Variants in USP48 observed in about 807,000 individuals in gnomAD.
USP48 encodes ubiquitin carboxyl-terminal hydrolase 48.
A neutral mutation model predicts 150.7 loss-of-function variants in USP48; 43 were observed. That is an observed-to-expected ratio of 0.29 (90% CI 0.22 to 0.37). The LOEUF is 0.37. Ranked by LOEUF, USP48 falls within the 10% of genes least tolerant of loss-of-function variation. The pLI is 1.00. For synonymous variants in USP48, 396 were observed against 425.9 expected (o/e 0.93, Z 0.86); for missense variants, 813 against 1,249.6 (o/e 0.65, Z 5.27).
At chr1:21,692,309 AG>A (rs1315656346) in intron 23 of USP48, among the ~76,000 whole-genome samples, 1 of 152,108 alleles carries the variant, frequency 6.6e-6, no homozygotes, top group Non-Finnish European at 1.5e-5. Context: ...AAGCCAGCTC[AG>A]CATGCAAACA....
intron 11 of USP48, chr1:21,726,364 TG>T (rs1156858669): frequency 6.6e-6 from 1 of 152,210 alleles, no homozygotes; most frequent in African/African-American, 2.4e-5. Flanking sequence ...TTTTGGTTTT[TG>T]AATTGTTCAA....
At chr1:21,762,092 C>T (rs1469190021) in intron 1 of USP48, among the ~76,000 whole-genome samples, 1 of 152,138 alleles carries the variant, frequency 6.6e-6, no homozygotes, top group Non-Finnish European at 1.5e-5. Context: ...CATGGCAAAA[C>T]CCCGTCTCTA....
At chr1:21,724,208 A>C in intron 11 of USP48, 113 bp from the exon 12 acceptor site, 2 of 1,068,032 alleles carry the variant, frequency 1.9e-6, no homozygotes, top group South Asian at 2.7e-5. Flanking sequence ...TAGCAGAATC[A>C]GAAGAATCAT....
chr1:21,764,439 C>CAA (rs112638976), intron 1 of USP48, among the ~76,000 whole-genome samples: 19 of 108,546 alleles, frequency 1.8e-4, no homozygotes, highest in African/African-American at 3.6e-4. Context: ...ACCCTGTCTC[C>CAA]AAAAAAAAAA....
At chr1:21,746,507 A>C (rs1275011907) in intron 8 of USP48, among the ~76,000 whole-genome samples, 1 of 152,206 alleles carries the variant, frequency 6.6e-6, no homozygotes, top group African/African-American at 2.4e-5. Context: ...CCTTAAAGGG[A>C]AGTAAAACAG....
Sources: gnomAD v4.1 joint callset for allele counts (sites outside exome capture counted in the v4.1 genomes callset) on GRCh38, gnomAD v4.1.1 for gene constraint, MANE v1.5 for transcripts, NCBI Gene and HGNC (gene_info 2026-07-23, HGNC 2026-07-21) for gene names.